Variants in ZNF865 observed in about 807,000 individuals in gnomAD.
The protein encoded by ZNF865 is zinc finger protein 865.
For synonymous variants in ZNF865, 763 were observed against 750.8 expected, an observed-to-expected ratio of 1.02 and a Z score of -0.27; for missense variants, 1,311 against 1,593.4, an observed-to-expected ratio of 0.82 and a Z score of 3.02.
intron 1 of ZNF865, among the ~76,000 whole-genome samples, chr19:55,612,089 C>G (rs1438680383): frequency 6.6e-6 from 1 of 152,148 alleles, no homozygotes; most frequent in Non-Finnish European, 1.5e-5. Context: ...CTAGGCTTAG[C>G]CCAGGTGTGT....
Position 55,611,344 on chromosome 19 carries a change from TC to T in ZNF865, c.-26-2246del, listed in dbSNP as rs1206320483. ...CTTCTTTCCCCAAACACTCTTGCCCTCCCTCCCCATAGCGCCCTAAATCACC... is the reference window on the plus strand; with the variant it reads ...CTTCTTTCCCCAAACACTCTTGCCCTCCTCCCCATAGCGCCCTAAATCACC... On this transcript the variant is annotated intron_variant, in intron 1 of 1. Coordinates refer to ENST00000568956, the MANE Select transcript of ZNF865 (RefSeq NM_001195605.2). This position sits in a 1 kb window ranked among gnomAD's most constrained non-coding sequence, Gnocchi z 4.5. Among the ~76,000 whole-genome samples the T allele has an allele frequency of 6.6e-6, 1 of 152,002 alleles. No homozygotes were observed. Among genetic ancestry groups the T allele is most frequent in the Non-Finnish European group, 1.5e-5 (1 of 67,978 alleles).
At chr19:55,610,290 C>T (rs928872266) in intron 1 of ZNF865, among the ~76,000 whole-genome samples, 3 of 152,230 alleles carry the variant, frequency 2.0e-5, no homozygotes, top group South Asian at 2.1e-4. Flanking sequence ...GATGGAGTCG[C>T]GCTCTTGTTG....
rs1981274619 is a variant in ZNF865, at chr19:55,614,563, C to T, written c.945C>T (p.Gly315=). Residue 315 remains glycine, a synonymous_variant, in exon 2 of 2, where the codon GGC becomes GGT. Transcript: ENST00000568956. The surrounding 1 kb of genome is among the most constrained non-coding windows in gnomAD (Gnocchi z 8.0). The stretch of plus-strand genomic sequence containing the variant: ...CCGCCCCCTCCACGGTGTCCTCGGG[C>T]CCTCCAGCCACGCCCGTGGCGCCTG... ...TAAAPSTVSS[G]PPATPVAPAP... is the part of the protein sequence containing the mutation. The T allele has an allele frequency of 2.7e-6, 4 of 1,486,638 alleles. No homozygotes were observed. Among genetic ancestry groups the T allele is most frequent in the East Asian group, 2.7e-5 (1 of 36,782 alleles). 92.1% of individuals were successfully genotyped at this position (1,486,638 alleles called of 1,614,324 possible). A position where few individuals can be genotyped will look rare whatever the true frequency, so the allele number is the denominator to read the frequency against.
At position 55,616,728 on chromosome 19, in the gene ZNF865, T is replaced by C; in HGVS notation, c.3110T>C (p.Leu1037Pro). ...ACCTACGGCCTCAAGAAACACCGCCTGGCGCACAAGGCCGAGAACCTCGGG... is the reference window on the plus strand; with the variant it reads ...ACCTACGGCCTCAAGAAACACCGCCCGGCGCACAAGGCCGAGAACCTCGGG... ...ANTYGLKKHR[L>P]AHKAENLGGP... The change falls in exon 2 of 2, where the codon CTG becomes CCG. Residue 1037 changes from leucine (L) to proline (P), a missense_variant. Coordinates refer to ENST00000568956, the MANE Select transcript of ZNF865 (RefSeq NM_001195605.2). 13 of 1,512,466 alleles carry C rather than the reference T, an allele frequency of 8.6e-6. No individual in the cohort carries two copies. Among genetic ancestry groups the C allele is most frequent in the Non-Finnish European group, 1.1e-5 (13 of 1,135,602 alleles). 93.7% of individuals were successfully genotyped at this position (1,512,466 alleles called of 1,614,324 possible). A position where few individuals can be genotyped will look rare whatever the true frequency, so the allele number is the denominator to read the frequency against.
Position 55,613,649 on chromosome 19 carries a change from G to T in ZNF865, c.31G>T (p.Gly11Trp). The stretch of plus-strand genomic sequence containing the variant: ...GGCGAACCCAGCGGGCAGCGGCGCC[G>T]GGGGTGGCGGGAGCAGCGGCATCGG... MEANPAGSGA[G>W]GGGSSGIGGE... Residue 11 changes from glycine to tryptophan, a missense_variant, in exon 2 of 2, where the codon GGG becomes TGG. Physicochemically the swap from Gly to Trp is radical, Grantham distance 184. Transcript: ENST00000568956. 1 of 1,525,724 alleles carries T rather than the reference G, an allele frequency of 6.6e-7. No individual in the cohort carries two copies. The highest frequency in any genetic ancestry group is 8.8e-7 in the Non-Finnish European group (1 of 1,141,898). 94.5% of individuals were successfully genotyped at this position (1,525,724 alleles called of 1,614,324 possible).
Position 55,616,577 on chromosome 19 carries a change from C to T in ZNF865, c.2959C>T (p.Pro987Ser). 6.5e-7 allele frequency: 1 copy of T among 1,529,804 alleles called. No homozygotes were observed. The highest frequency in any genetic ancestry group is 1.2e-5 in the South Asian group (1 of 83,500). The allele number at this position is 1,529,804 out of a possible 1,614,324, so 94.8% of individuals were successfully genotyped here. The change falls in exon 2 of 2, where the codon CCC (proline) becomes TCC (serine). Residue 987 changes from proline to serine, a missense_variant. Physicochemically the swap from Pro to Ser is moderately conservative, Grantham distance 74. Coordinates refer to ENST00000568956, the MANE Select transcript of ZNF865 (RefSeq NM_001195605.2). The stretch of plus-strand genomic sequence containing the variant: ...CCAGCGCGCCCATGAGCCGCCGCGG[C>T]CCGAGCTCCGCTGCCCCGCCTGCCT... ...RHQRAHEPPR[P>S]ELRCPACLKA... is the part of the protein sequence containing the mutation.
intron 1 of ZNF865, among the ~76,000 whole-genome samples, chr19:55,606,508 T>C (rs564882139): frequency 1.3e-5 from 2 of 152,280 alleles, no homozygotes; most frequent in South Asian, 4.1e-4. Context: ...GGTCAGCCCG[T>C]CTTCATTACT....
rs1364956028 is a variant in ZNF865, at chr19:55,614,269, G to A, written c.651G>A (p.Lys217=). Residue 217 remains lysine, a synonymous_variant, in exon 2 of 2, where the codon AAG becomes AAA. Transcript: ENST00000568956. The surrounding 1 kb of genome is among the most constrained non-coding windows in gnomAD (Gnocchi z 8.0). ...ACAAGGGCTACTTCCGGAGACTGAA[G>A]TACCTGATGGAGCGGCGCTTCCCCT... The part of the protein sequence containing the change: ...KDDKGYFRRL[K]YLMERRFPCG... 6.6e-7 allele frequency: 1 copy of A among 1,517,160 alleles called. No individual in the cohort carries two copies. The highest frequency in any genetic ancestry group is 8.8e-7 in the Non-Finnish European group (1 of 1,137,980). The allele number at this position is 1,517,160 out of a possible 1,614,324, so 94.0% of individuals were successfully genotyped here.
In ZNF865 at chr19:55,613,982, C is replaced by A. The variant is rs1013550085; in HGVS notation, c.364C>A (p.Pro122Thr). 2.6e-5 allele frequency: 40 copies of A among 1,524,132 alleles called. No homozygotes were observed. The highest frequency in any genetic ancestry group is 3.3e-5 in the Non-Finnish European group (38 of 1,140,886). The allele number at this position is 1,524,132 out of a possible 1,614,324, so 94.4% of individuals were successfully genotyped here. The change falls in exon 2 of 2, where the codon CCC becomes ACC. Residue 122 changes from proline (P) to threonine (T), a missense_variant. Transcript: ENST00000568956. ...SSSSSSQAKK[P>T]DPPLPPAFGA... is the part of the protein sequence containing the mutation. The stretch of plus-strand genomic sequence containing the variant: ...CTCTTCCTCTTCCCAAGCCAAGAAG[C>A]CCGATCCGCCCCTGCCGCCCGCCTT...
intron 1 of ZNF865, among the ~76,000 whole-genome samples, chr19:55,605,970 C>T (rs1374937162): frequency 6.6e-6 from 1 of 152,122 alleles, no homozygotes; most frequent in African/African-American, 2.4e-5. Context: ...TGGCGATCCC[C>T]TAAACGGCTG....
rs562962752 is a variant in ZNF865, at chr19:55,616,651, C to T, written c.3033C>T (p.His1011=). 1.3e-6 allele frequency: 2 copies of T among 1,529,118 alleles called. No individual in the cohort carries two copies. The highest frequency in any genetic ancestry group is 2.5e-5 in the East Asian group (1 of 40,636). 94.7% of individuals were successfully genotyped at this position (1,529,118 alleles called of 1,614,324 possible). A position where few individuals can be genotyped will look rare whatever the true frequency, so the allele number is the denominator to read the frequency against. ...ACTTCCGTAAGCACCTGGCTGCCCA[C>T]CAGGGCGGCCGGCCCTTCCGCTGCT... The part of the protein sequence containing the change: ...PGYFRKHLAA[H]QGGRPFRCSS... Residue 1011 remains histidine, a synonymous_variant, in exon 2 of 2, where the codon CAC becomes CAT. Transcript: ENST00000568956.
rs1045603914 is a variant in ZNF865 at position 55,615,737 on chromosome 19, G to A, written c.2119G>A (p.Gly707Ser). ...YGCDACGKTFGFIENLMWHKL... is the reference protein window; with the variant it reads ...YGCDACGKTFSFIENLMWHKL... ...CTGCGACGCCTGCGGCAAGACCTTC[G>A]GCTTCATCGAGAACCTCATGTGGCA... is the stretch of plus-strand genomic sequence containing the variant. Residue 707 changes from glycine to serine, a missense_variant, in exon 2 of 2, where the codon GGC becomes AGC. By Grantham distance (56) the Gly-to-Ser change is moderately conservative. Transcript: ENST00000568956. 12 of 1,533,580 alleles carry A rather than the reference G, an allele frequency of 7.8e-6. No individual in the cohort carries two copies. In the Admixed American group the frequency reaches 2.2e-4, roughly 28 times the overall value. 95.0% of individuals were successfully genotyped at this position (1,533,580 alleles called of 1,614,324 possible). A position where few individuals can be genotyped will look rare whatever the true frequency, so the allele number is the denominator to read the frequency against.
intron 1 of ZNF865, among the ~76,000 whole-genome samples, chr19:55,608,407 C>T (rs1046467220): frequency 1.7e-4 from 26 of 151,594 alleles, no homozygotes; most frequent in African/African-American, 6.1e-4. Context: ...CTCCGCCTCC[C>T]GGGTTCAAGT....
At position 55,613,954 on chromosome 19, in the gene ZNF865, G is replaced by T. The variant is rs905431582; in HGVS notation, c.336G>T (p.Ser112=). Residue 112 remains serine, a synonymous_variant, in exon 2 of 2, where the codon TCG becomes TCT. Transcript: ENST00000568956. ...CTTCGTCCTCCTCGTCGTCATCTTC[G>T]TCCTCTTCCTCTTCCCAAGCCAAGA... ...SSSSSSSSSS[S]SSSSSQAKKP... The T allele has an allele frequency of 2.6e-5, 40 of 1,531,746 alleles. No homozygotes were observed. In the African/African-American group the frequency reaches 5.2e-4, roughly 20 times the overall value. The allele number at this position is 1,531,746 out of a possible 1,614,324, so 94.9% of individuals were successfully genotyped here.
intron 1 of ZNF865, among the ~76,000 whole-genome samples, chr19:55,608,181 G>A (rs746580176): frequency 6.6e-5 from 10 of 152,092 alleles, no homozygotes; most frequent in African/African-American, 1.2e-4. Context: ...AGGGGTGAGC[G>A]AGATGGTTGC....
In ZNF865 at chr19:55,615,283, C is replaced by G; in HGVS notation, c.1665C>G (p.Cys555Trp). 6.6e-7 allele frequency: 1 copy of G among 1,526,166 alleles called. No individual in the cohort carries two copies. The highest frequency in any genetic ancestry group is 1.2e-5 in the South Asian group (1 of 82,670). The allele number at this position is 1,526,166 out of a possible 1,614,324, so 94.5% of individuals were successfully genotyped here. The change falls in exon 2 of 2, where the codon TGC becomes TGG. Residue 555 changes from cysteine to tryptophan, a missense_variant. Cys to Trp is a radical substitution (Grantham distance 215). Coordinates refer to ENST00000568956, the MANE Select transcript of ZNF865 (RefSeq NM_001195605.2). ...GAAAGACGTTCTGCTGCGGCATCTG[C>G]GGGCGCGGCTTCGGGCGCCGCGAGA... ...VPGKTFCCGI[C>W]GRGFGRRETL...
At position 55,613,918 on chromosome 19, in the gene ZNF865, C is replaced by T. The variant is rs569154968; in HGVS notation, c.300C>T (p.Ser100=). ...EVPSSSSSSS[S]SSSSSSSSSS... Reference sequence around the variant, plus strand: ...CCTCCTCGTCCTCGTCCTCGTCCTCCTCCTCCTCCTCTTCGTCCTCCTCGT... The same window carrying T: ...CCTCCTCGTCCTCGTCCTCGTCCTCTTCCTCCTCCTCTTCGTCCTCCTCGT... The change falls in exon 2 of 2, where the codon TCC becomes TCT. Residue 100 remains serine (S), a synonymous_variant. Transcript: ENST00000568956. The T allele has an allele frequency of 2.0e-6, 3 of 1,523,364 alleles. No homozygotes were observed. Among genetic ancestry groups the T allele is most frequent in the East Asian group, 2.5e-5 (1 of 40,522 alleles). 94.4% of individuals were successfully genotyped at this position (1,523,364 alleles called of 1,614,324 possible).
chr19:55,616,463 G>C lies in ZNF865; in HGVS notation c.2845G>C (p.Glu949Gln), dbSNP rs748865737. Residue 949 changes from glutamate to glutamine, a missense_variant, in exon 2 of 2, where the codon GAG (glutamate) becomes CAG (glutamine). Glu to Gln is a conservative substitution (Grantham distance 29, BLOSUM62 2). Transcript: ENST00000568956. ...CTTCCGCTACCGCTCCAACCTGCTGGAGCACCAGCGGCTGCACCTGGGCGA... is the reference window on the plus strand; with the variant it reads ...CTTCCGCTACCGCTCCAACCTGCTGCAGCACCAGCGGCTGCACCTGGGCGA... ...KTFRYRSNLL[E>Q]HQRLHLGERA... The C allele has an allele frequency of 1.6e-5, 24 of 1,531,770 alleles. No homozygotes were observed. The highest frequency in any genetic ancestry group is 1.9e-5 in the Non-Finnish European group (22 of 1,144,836). The allele number at this position is 1,531,770 out of a possible 1,614,324, so 94.9% of individuals were successfully genotyped here.
At position 55,614,868 on chromosome 19, in the gene ZNF865, G is replaced by A. The variant is rs1482971604; in HGVS notation, c.1250G>A (p.Arg417His). The change falls in exon 2 of 2, where the codon CGC (arginine) becomes CAC (histidine). Residue 417 changes from arginine (R) to histidine (H), a missense_variant. Arg to His is a conservative substitution (Grantham distance 29). Transcript: ENST00000568956. This position sits in a 1 kb window ranked among gnomAD's most constrained non-coding sequence, Gnocchi z 8.0. ...LPCGICGKAF[R>H]DASYLLKHQA... ...TGCGGCATCTGCGGGAAGGCCTTCCGCGACGCCTCCTACCTCCTCAAGCAC... is the reference window on the plus strand; with the variant it reads ...TGCGGCATCTGCGGGAAGGCCTTCCACGACGCCTCCTACCTCCTCAAGCAC... The A allele has an allele frequency of 6.6e-7, 1 of 1,516,708 alleles. No individual in the cohort carries two copies. Among genetic ancestry groups the A allele is most frequent in the Non-Finnish European group, 8.8e-7 (1 of 1,136,024 alleles). 94.0% of individuals were successfully genotyped at this position (1,516,708 alleles called of 1,614,324 possible).
Sources: gnomAD v4.1 joint callset for allele counts (sites outside exome capture counted in the v4.1 genomes callset) on GRCh38, gnomAD v4.1.1 for gene constraint, Gnocchi (gnomAD v3.1) non-coding constraint, MANE v1.5 for transcripts, NCBI Gene and HGNC (gene_info 2026-07-23, HGNC 2026-07-21) for gene names.